FASN: variants seen among roughly 807,000 people sequenced by gnomAD.
The protein encoded by FASN is 3-hydroxyacyl-[acyl-carrier-protein] dehydratase.
Under a neutral mutation model 250.0 loss-of-function variants are expected in FASN, and 50 were observed. The ratio of observed to expected loss-of-function variants is 0.20; its 90% confidence interval spans 0.16 to 0.25. The LOEUF (loss-of-function observed/expected upper bound fraction) is 0.25, where lower values mean the gene tolerates loss of function less well. Among genes scored for constraint, FASN ranks in the 10% least tolerant of loss-of-function variants. FASN has a pLI of 1.00. For synonymous variants in FASN, 1,909 were observed against 1,584.0 expected, an observed-to-expected ratio of 1.21 and a Z score of -4.87; for missense variants, 3,031 against 3,498.5, an observed-to-expected ratio of 0.87 and a Z score of 3.37.
intron 34 of FASN, 49 bp downstream of exon 34, chr17:82,082,478 C>T (rs112173221): frequency 1.9e-6 from 3 of 1,611,314 alleles, no homozygotes; most frequent in African/African-American, 2.7e-5. Context: ...CCAGGGTCCC[C>T]CCCTTGGTCT....
At position 82,095,321 on chromosome 17, in the gene FASN, T is replaced by C. The variant is rs199754973; in HGVS notation, c.279A>G (p.Gly93=). The C allele has an allele frequency of 1.7e-4, 281 of 1,612,850 alleles. 2 individuals carry two copies. Among genetic ancestry groups the C allele is most frequent in the East Asian group, 9.6e-4 (43 of 44,880 alleles). Residue 93 remains glycine (G), a splice_region_variant and synonymous_variant, in exon 3 of 43, where the codon GGA becomes GGG. Transcript: ENST00000306749. The stretch of plus-strand genomic sequence containing the variant: ...AGCAGTCGCGAATGCCCGACCCACC[T>C]CCGTCCACGATGGCTTCATAGGTGA... ...LEVTYEAIVD[G]GINPDSLRGT...
At position 82,084,055 on chromosome 17, in the gene FASN, A is replaced by G; in HGVS notation, c.5018T>C (p.Ile1673Thr). The G allele has an allele frequency of 6.5e-7, 1 of 1,546,912 alleles. No homozygotes were observed. The highest frequency in any genetic ancestry group is 8.7e-7 in the Non-Finnish European group (1 of 1,147,358). The stretch of plus-strand genomic sequence containing the variant: ...GCCCACGCCGCCCGAGCCCGAGTGG[A>G]TGAGCAGCGTCTCCCCGGGGCGCAC... Reference protein sequence around the residue: ...GRVRPGETLLIHSGSGGVGQA... With the variant: ...GRVRPGETLLTHSGSGGVGQA... Residue 1673 changes from isoleucine to threonine, a missense_variant, in exon 29 of 43, where the codon ATC (isoleucine) becomes ACC (threonine). Ile to Thr is a moderately conservative substitution (Grantham distance 89). Coordinates refer to ENST00000306749, the MANE Select transcript of FASN (RefSeq NM_004104.5).
intron 12 of FASN, 24 bp from the exon 13 acceptor site, chr17:82,089,408 A>G: frequency 6.2e-7 from 1 of 1,612,668 alleles, no homozygotes; most frequent in Non-Finnish European, 8.5e-7. Flanking sequence ...GAGCCTGGAT[A>G]AGCATCCTGG....
chr17:82,090,945 C>A lies in FASN; in HGVS notation c.1617G>T (p.Leu539=). 6.2e-7 allele frequency: 1 copy of A among 1,612,696 alleles called. No individual in the cohort carries two copies. Among genetic ancestry groups the A allele is most frequent in the East Asian group, 2.2e-5 (1 of 44,874 alleles). ...PFGLKVSQLL[L]STDESTFDDI... is the part of the protein sequence containing the mutation. Reference sequence around the variant, plus strand: ...CATCAAAGGTGCTCTCGTCTGTGCTCAGCAGCAGCTGTGACACCTTCAGGC... The same window carrying A: ...CATCAAAGGTGCTCTCGTCTGTGCTAAGCAGCAGCTGTGACACCTTCAGGC... Residue 539 remains leucine, a synonymous_variant, in exon 10 of 43, where the codon CTG becomes CTT. Transcript: ENST00000306749.
Position 82,083,511 on chromosome 17 carries a change from C to T in FASN, c.5341+6G>A. 1 of 1,612,806 alleles carries T rather than the reference C, an allele frequency of 6.2e-7. No homozygotes were observed. Among genetic ancestry groups the T allele is most frequent in the Non-Finnish European group, 8.5e-7 (1 of 1,179,984 alleles). Reference sequence around the variant, plus strand: ...CCCACCCCCGCCCAGGCGCTGCCGGCCTCACCGAGCGGGTGGTTCTGAGAA... The same window carrying T: ...CCCACCCCCGCCCAGGCGCTGCCGGTCTCACCGAGCGGGTGGTTCTGAGAA... On this transcript the variant is annotated splice_donor_region_variant and intron_variant, in intron 31 of 42. Transcript: ENST00000306749.
chr17:82,083,958 CG>C lies in FASN; in HGVS notation c.5098+16del, dbSNP rs1568107845. 3 of 1,543,260 alleles carry C rather than the reference CG, an allele frequency of 1.9e-6. No individual in the cohort carries two copies. Among genetic ancestry groups the C allele is most frequent in the Non-Finnish European group, 8.7e-7 (1 of 1,146,334 alleles). ...GGGCCAGGAGGGCAGCGGGAGGCAC[CG>C]GGGGCGGGGCCTTACCCACGGTGGT... On this transcript the variant is annotated intron_variant, in intron 29 of 42. Coordinates refer to ENST00000306749, the MANE Select transcript of FASN (RefSeq NM_004104.5).
Position 82,078,718 on chromosome 17 carries a change from G to T in FASN, c.*425C>A. 3.7e-6 allele frequency: 1 copy of T among 267,550 alleles called. No homozygotes were observed. 16.6% of individuals were successfully genotyped at this position (267,550 alleles called of 1,614,324 possible). ...TTGGGTGGCTGCCCGCGCCCGCAGGGGACATCGGGGAAATGGGGGCAGAGT... is the reference window on the plus strand; with the variant it reads ...TTGGGTGGCTGCCCGCGCCCGCAGGTGACATCGGGGAAATGGGGGCAGAGT... On this transcript the variant is annotated 3_prime_UTR_variant, in exon 43 of 43. Coordinates refer to ENST00000306749, the MANE Select transcript of FASN (RefSeq NM_004104.5). This position sits in a 1 kb window ranked among gnomAD's most constrained non-coding sequence, Gnocchi z 5.4.
intron 41 of FASN, 196 bp downstream of exon 41, chr17:82,079,944 G>C (rs1291768078): frequency 1.5e-6 from 1 of 680,434 alleles, no homozygotes; most frequent in East Asian, 2.7e-5. Context: ...CCGACCTCAG[G>C]TAATCTGCCC....
At chr17:82,085,194 A>C (rs1291827259) in intron 24 of FASN, 38 bp from the exon 25 acceptor site, 1 of 1,609,380 alleles carries the variant, frequency 6.2e-7, no homozygotes, top group African/African-American at 1.3e-5. Flanking sequence ...ACACTCGGCA[A>C]GTTGGGAGGT....
chr17:82,079,112 G>A lies in FASN; in HGVS notation c.*31C>T, dbSNP rs2033941828. 1 of 1,599,250 alleles carries A rather than the reference G, an allele frequency of 6.3e-7. No homozygotes were observed. Among genetic ancestry groups the A allele is most frequent in the Non-Finnish European group, 8.5e-7 (1 of 1,177,446 alleles). ...GGTGGGGTGGGGTGGGGATGGTGGAGTGACCTCCGGTGGCAGGCGGGGGCA... is the reference window on the plus strand; with the variant it reads ...GGTGGGGTGGGGTGGGGATGGTGGAATGACCTCCGGTGGCAGGCGGGGGCA... On this transcript the variant is annotated 3_prime_UTR_variant, in exon 43 of 43. Transcript: ENST00000306749.
Position 82,085,698 on chromosome 17 carries a change from A to G in FASN, c.3906T>C (p.Pro1302=). Residue 1302 remains proline (P), a synonymous_variant, in exon 23 of 43, where the codon CCT becomes CCC. Coordinates refer to ENST00000306749, the MANE Select transcript of FASN (RefSeq NM_004104.5). ...VAQGQWDPAD[P]APSALGSADL... is the part of the protein sequence containing the mutation. The stretch of plus-strand genomic sequence containing the variant: ...CGGCGCTGCCCAGGGCGCTGGGGGC[A>G]GGGTCTGCGGGATCCCACTGGCCCT... 6.4e-7 allele frequency: 1 copy of G among 1,568,808 alleles called. No individual in the cohort carries two copies.
chr17:82,091,184 A>C (rs1379715929), intron 9 of FASN, 38 bp downstream of exon 9: 1 of 1,602,064 alleles, frequency 6.2e-7, no homozygotes, highest in Non-Finnish European at 8.5e-7. Context: ...GCCTTTCCCC[A>C]GGGAAGGGAC....
chr17:82,084,953 C>G lies in FASN; in HGVS notation c.4410G>C (p.Arg1470=). ...LRREPGGNRL[R]CVLLSNLSST... ...TGCTGAGGTTGGAGAGCAGCACACA[C>G]CTGGGGGCAGAGGCGGGGAGCTCAG... The change falls in exon 26 of 43, where the codon CGG becomes CGC. Residue 1470 remains arginine, a splice_region_variant and synonymous_variant. Coordinates refer to ENST00000306749, the MANE Select transcript of FASN (RefSeq NM_004104.5). The G allele has an allele frequency of 6.4e-7, 1 of 1,561,490 alleles. No homozygotes were observed. The highest frequency in any genetic ancestry group is 1.2e-5 in the South Asian group (1 of 85,312).
rs1030492532 is a variant in FASN at position 82,089,101 on chromosome 17, G to A, written c.2172C>T (p.Ser724=). ...STSIPEAQWH[S]SLARTSSAEY... ...CGGCGGAGGACGTGCGTGCCAGGCT[G>A]CTGTGCCACTGGGCCTCGGGGATAG... The change falls in exon 14 of 43, where the codon AGC becomes AGT. Residue 724 remains serine, a synonymous_variant. Transcript: ENST00000306749. The A allele has an allele frequency of 2.5e-6, 4 of 1,571,624 alleles. No homozygotes were observed. Among genetic ancestry groups the A allele is most frequent in the Non-Finnish European group, 3.5e-6 (4 of 1,159,214 alleles).
At chr17:82,097,318 A>T (rs995065691) in intron 1 of FASN, 1 of 152,558 alleles carries the variant, frequency 6.6e-6, no homozygotes, top group Non-Finnish European at 1.5e-5. Flanking sequence ...ACGGGTGCCC[A>T]GGCCGCCGGC....
At chr17:82,090,679 C>T (rs2034188965) in intron 10 of FASN, 115 bp from the exon 11 acceptor site, 1 of 1,124,764 alleles carries the variant, frequency 8.9e-7, no homozygotes, top group South Asian at 1.3e-5. Flanking sequence ...CCTCCCAGGT[C>T]TCCTGATAGG....
chr17:82,096,352 T>C lies in FASN; in HGVS notation c.94A>G (p.Met32Val), dbSNP rs771149670. The stretch of plus-strand genomic sequence containing the variant: ...CAGCGACGGTCATCGTCCGTGACCA[T>C]GTCCACACCGCCGATGAGGTTGTCC... ...FWDNLIGGVD[M>V]VTDDDRRWKA... The change falls in exon 2 of 43, where the codon ATG becomes GTG. Residue 32 changes from methionine to valine, a missense_variant. By Grantham distance (21) the Met-to-Val change is conservative (BLOSUM62 1). Transcript: ENST00000306749. 2.0e-5 allele frequency: 32 copies of C among 1,612,790 alleles called. No individual in the cohort carries two copies. Among genetic ancestry groups the C allele is most frequent in the African/African-American group, 2.7e-5 (2 of 74,940 alleles).
rs1202848616 is a variant in FASN, at chr17:82,088,804, G to A, written c.2377C>T (p.Leu793=). Residue 793 remains leucine, a synonymous_variant, in exon 15 of 43, where the codon CTG becomes TTG. Coordinates refer to ENST00000306749, the MANE Select transcript of FASN (RefSeq NM_004104.5). The part of the protein sequence containing the change: ...PLMKKDHRDN[L]EFFLAGIGRL... ...CCGATGCCGGCCAGGAAGAACTCCA[G>A]GTTGTCCCTGTGATCCTTCTTCATC... The A allele has an allele frequency of 2.5e-6, 4 of 1,612,466 alleles. No individual in the cohort carries two copies. The highest frequency in any genetic ancestry group is 2.2e-5 in the East Asian group (1 of 44,894).
chr17:82,085,455 C>T, intron 23 of FASN, 27 bp downstream of exon 23: 3 of 1,591,460 alleles, frequency 1.9e-6, no homozygotes, highest in Non-Finnish European at 2.6e-6. Flanking sequence ...CCGGCCCCCA[C>T]CCTGTCCCCC....
Sources: gnomAD v4.1 joint callset for allele counts on GRCh38, gnomAD v4.1.1 for gene constraint, Gnocchi (gnomAD v3.1) non-coding constraint, MANE v1.5 for transcripts, NCBI Gene and HGNC (gene_info 2026-07-23, HGNC 2026-07-21) for gene names.